Variants in ANAPC1 observed in about 807,000 individuals in gnomAD.
The protein encoded by ANAPC1 is anaphase-promoting complex subunit 1.
A neutral mutation model predicts 208.0 loss-of-function variants in ANAPC1; 36 were observed. The observed-to-expected ratio is 0.17, with a 90% CI of 0.13 to 0.23. The LOEUF (loss-of-function observed/expected upper bound fraction) is 0.23, where lower values mean the gene tolerates loss of function less well. ANAPC1 is among the 10% of genes least tolerant of loss of function. The pLI, the probability that ANAPC1 is intolerant of heterozygous loss-of-function variation, is 1.00. For synonymous variants in ANAPC1, 378 were observed against 695.2 expected (o/e 0.54, Z 7.18); for missense variants, 942 against 2,011.6 (o/e 0.47, Z 10.17).
At chr2:111,796,502 G>GT (rs1678175138) in intron 34 of ANAPC1, among the ~76,000 whole-genome samples, 1 of 140,446 alleles carries the variant, frequency 7.1e-6, no homozygotes, top group Non-Finnish European at 1.5e-5. Flanking sequence ...GCTAATTTTT[G>GT]TATTTTTCTG....
chr2:111,822,962 G>A (rs894760005), intron 24 of ANAPC1, among the ~76,000 whole-genome samples: 1 of 142,886 alleles, frequency 7.0e-6, no homozygotes, highest in African/African-American at 2.6e-5. Context: ...AATACTAAAT[G>A]TTGGCAACTA....
chr2:111,797,078 G>C (rs1230665356), intron 34 of ANAPC1, among the ~76,000 whole-genome samples: 1 of 151,124 alleles, frequency 6.6e-6, no homozygotes, highest in Non-Finnish European at 1.5e-5. Context: ...GGCCAGGCTG[G>C]TCTCGAACTC....
chr2:111,829,709 TAAAG>T (rs139183953), intron 21 of ANAPC1, among the ~76,000 whole-genome samples: 17,786 of 151,992 alleles, frequency 0.12, 1,335 homozygotes, highest in Non-Finnish European at 0.16. Context: ...TAAAAATAAA[TAAAG>T]AAGTGTTTCT....
chr2:111,795,363 T>TA (rs1432438375), intron 34 of ANAPC1, among the ~76,000 whole-genome samples: 7 of 147,388 alleles, frequency 4.7e-5, no homozygotes, highest in East Asian at 3.9e-4. Flanking sequence ...GCCTGGGTGA[T>TA]AGAGTGAGAC....
At chr2:111,810,311 G>C (rs972456966) in intron 28 of ANAPC1, among the ~76,000 whole-genome samples, 9 of 150,860 alleles carry the variant, frequency 6.0e-5, no homozygotes, top group African/African-American at 2.2e-4. Context: ...GTGGGGGGGG[G>C]TGAGGTAGAG....
rs541663495 is a variant in ANAPC1 at position 111,810,668 on chromosome 2, A to C, written c.3598-1487T>G. Among the ~76,000 whole-genome samples the C allele has an allele frequency of 7.5e-4, 111 of 147,572 alleles. 1 individual carries two copies. The highest frequency in any genetic ancestry group is 2.2e-3 in the Admixed American group (32 of 14,770). On this transcript the variant is annotated intron_variant, in intron 28 of 47. Coordinates refer to ENST00000341068, the MANE Select transcript of ANAPC1 (RefSeq NM_022662.4). ...GAGGCTGAAGCGGGCAGATCACCTG[A>C]GATCAGGAGTTCAAGACCAGCCTGG...
chr2:111,790,528 C>T (rs1677819407), intron 38 of ANAPC1, among the ~76,000 whole-genome samples: 1 of 152,046 alleles, frequency 6.6e-6, no homozygotes, highest in South Asian at 2.1e-4. Context: ...ATAAACTTTT[C>T]AATAGCAGCG....
intron 44 of ANAPC1, chr2:111,779,085 G>A (rs1316809377): frequency 4.2e-6 from 1 of 238,216 alleles, no homozygotes. Context: ...ATCCAGAAAG[G>A]AAACAGAGTA....
intron 38 of ANAPC1, among the ~76,000 whole-genome samples, chr2:111,790,351 G>A (rs1447776826): frequency 1.3e-5 from 2 of 152,140 alleles, no homozygotes; most frequent in African/African-American, 2.4e-5. Context: ...GAAGAAAACC[G>A]AGTTTGAAGG....
chr2:111,863,456 G>A (rs1355033279), intron 9 of ANAPC1, among the ~76,000 whole-genome samples: 1 of 147,902 alleles, frequency 6.8e-6, no homozygotes, highest in Non-Finnish European at 1.5e-5. Flanking sequence ...AGTTTGCAGT[G>A]AGTCAAGATT....
intron 18 of ANAPC1, among the ~76,000 whole-genome samples, 156 bp downstream of exon 18, chr2:111,838,282 G>A (rs554646301): frequency 6.6e-6 from 1 of 152,208 alleles, no homozygotes; most frequent in Admixed American, 6.5e-5. Context: ...AAATGTAACA[G>A]ATCCTACTCT....
chr2:111,883,665 C>T lies in ANAPC1; in HGVS notation c.-25+277G>A, dbSNP rs117964825. Among the ~76,000 whole-genome samples the T allele has an allele frequency of 9.0e-4, 137 of 152,272 alleles. 2 individuals are homozygous for T. In the East Asian group the frequency reaches 0.026, roughly 28 times the overall value. ...GGCTCAGAAAAACAGCTCAGAGGGGCTGGAGGCCAGTCTGAAAGCTGAGGC... is the reference window on the plus strand; with the variant it reads ...GGCTCAGAAAAACAGCTCAGAGGGGTTGGAGGCCAGTCTGAAAGCTGAGGC... On this transcript the variant is annotated intron_variant, in intron 1 of 47. Coordinates refer to ENST00000341068, the MANE Select transcript of ANAPC1 (RefSeq NM_022662.4).
Position 111,853,448 on chromosome 2 carries a change from T to C in ANAPC1, c.1516-2538A>G, listed in dbSNP as rs534820806. On this transcript the variant is annotated intron_variant, in intron 13 of 47. Coordinates refer to ENST00000341068, the MANE Select transcript of ANAPC1 (RefSeq NM_022662.4). ...AGTTTGATCATAAGATTTTGGCAAT[T>C]CTGTTCAAGTTTGGCAATTCTGTTC... Among the ~76,000 whole-genome samples, 38 of 152,144 alleles carry C rather than the reference T, an allele frequency of 2.5e-4. No homozygotes were observed. The South Asian group carries it at 6.2e-3, about 25-fold the overall frequency.
At chr2:111,773,895 T>C (rs1471575697) in intron 46 of ANAPC1, among the ~76,000 whole-genome samples, 1 of 151,624 alleles carries the variant, frequency 6.6e-6, no homozygotes, top group Non-Finnish European at 1.5e-5. Context: ...CTTTCACAGC[T>C]GAATCAGGAG....
chr2:111,836,553 A>G (rs923644406), intron 18 of ANAPC1, among the ~76,000 whole-genome samples: 5 of 151,494 alleles, frequency 3.3e-5, no homozygotes, highest in African/African-American at 1.2e-4. Flanking sequence ...AGGCTGAGGT[A>G]GGAGGATGGC....
chr2:111,831,800 C>A (rs1230025268), intron 20 of ANAPC1, among the ~76,000 whole-genome samples: 1 of 119,528 alleles, frequency 8.4e-6, no homozygotes, highest in Non-Finnish European at 1.6e-5. Context: ...GAGATCACGC[C>A]TAAGAGACAG....
intron 19 of ANAPC1, 127 bp downstream of exon 19, chr2:111,834,477 C>T (rs1315975227): frequency 8.1e-7 from 1 of 1,233,850 alleles, no homozygotes; most frequent in African/African-American, 1.5e-5. Context: ...CAGAGATGCC[C>T]TAGTTTTCTG....
At chr2:111,826,186 C>T (rs1188459113) in intron 21 of ANAPC1, among the ~76,000 whole-genome samples, 2 of 152,196 alleles carry the variant, frequency 1.3e-5, no homozygotes, top group African/African-American at 2.4e-5. Context: ...CCACACCTAG[C>T]TACATAATTG....
At chr2:111,856,917 A>G in intron 11 of ANAPC1, 31 bp from the exon 12 acceptor site, 1 of 1,554,420 alleles carries the variant, frequency 6.4e-7, no homozygotes, top group Middle Eastern at 2.3e-4. Flanking sequence ...GAAACTTGAT[A>G]CATGCAACAA....
Sources: allele counts gnomAD v4.1 joint callset (sites outside exome capture counted in the v4.1 genomes callset), GRCh38; gene constraint gnomAD v4.1.1; transcripts MANE v1.5; gene names NCBI Gene and HGNC (gene_info 2026-07-23, HGNC 2026-07-21).